The following PCSK6 variants were observed in gnomAD, a reference collection of about 807,000 sequenced individuals.
PCSK6 encodes proprotein convertase subtilisin/kexin type 6.
A neutral mutation model predicts 123.3 loss-of-function variants in PCSK6; 85 were observed. That is an observed-to-expected ratio of 0.69 (90% CI 0.58 to 0.83). The LOEUF is 0.83. PCSK6 is among the 40% of genes least tolerant of loss of function. The pLI, the probability that PCSK6 is intolerant of heterozygous loss-of-function variation, is 0.00. For synonymous variants in PCSK6, 508 were observed against 516.0 expected, an observed-to-expected ratio of 0.98 and a Z score of 0.21; for missense variants, 1,191 against 1,282.3, an observed-to-expected ratio of 0.93 and a Z score of 1.09.
intron 19 of PCSK6, among the ~76,000 whole-genome samples, chr15:101,315,719 G>C (rs941923340): frequency 6.6e-6 from 1 of 152,244 alleles, no homozygotes; most frequent in African/African-American, 2.4e-5. Context: ...GCACTGCCCC[G>C]CAACTTGGTA....
chr15:101,431,864 C>T (rs1200978576), intron 3 of PCSK6, 126 bp downstream of exon 3: 5 of 751,674 alleles, frequency 6.7e-6, no homozygotes, highest in Non-Finnish European at 1.2e-5. Context: ...GGTTTTACAC[C>T]CTCAAGGTGA....
intron 15 of PCSK6, 51 bp downstream of exon 15, chr15:101,331,600 T>A (rs2040371778): frequency 6.4e-7 from 1 of 1,567,464 alleles, no homozygotes. Context: ...TAGACCCTGC[T>A]CTCCCAGCTG....
At chr15:101,481,135 G>A (rs2412007) in intron 1 of PCSK6, among the ~76,000 whole-genome samples, 27,044 of 152,184 alleles carry the variant, frequency 0.18, 2,890 homozygotes, top group South Asian at 0.28. Flanking sequence ...GCCTAACTTT[G>A]GGCTGACTCA....
At chr15:101,314,749 T>C (rs7178939) in intron 19 of PCSK6, among the ~76,000 whole-genome samples, 1,553 of 152,274 alleles carry the variant, frequency 0.01, 28 homozygotes, top group African/African-American at 0.036. Flanking sequence ...AGGAGGCAGA[T>C]GTAGGGACCT....
chr15:101,392,535 A>G (rs1380284002), intron 8 of PCSK6, among the ~76,000 whole-genome samples: 2 of 150,530 alleles, frequency 1.3e-5, no homozygotes, highest in East Asian at 3.9e-4. Flanking sequence ...CTACAAGTCA[A>G]CGTAATGACT....
intron 1 of PCSK6, among the ~76,000 whole-genome samples, chr15:101,475,262 G>A (rs545816205): frequency 6.6e-6 from 1 of 152,232 alleles, no homozygotes; most frequent in South Asian, 2.1e-4. Flanking sequence ...GCAAACAAAT[G>A]GTGCTGCAGA....
intron 1 of PCSK6, among the ~76,000 whole-genome samples, chr15:101,471,838 C>T (rs1236713638): frequency 6.6e-6 from 1 of 152,160 alleles, no homozygotes; most frequent in Non-Finnish European, 1.5e-5. Flanking sequence ...GTTCTAGAAC[C>T]TCCTCTGAAT....
rs371455660 is a variant in PCSK6, at chr15:101,307,272, C to G, written c.2753G>C (p.Cys918Ser). The G allele has an allele frequency of 1.4e-5, 23 of 1,613,858 alleles. No individual in the cohort carries two copies. The South Asian group carries it at 2.4e-4, about 17-fold the overall frequency. Residue 918 changes from cysteine to serine, a missense_variant, in exon 21 of 22, where the codon TGT becomes TCT. By Grantham distance (112) the Cys-to-Ser change is moderately radical. Around this residue, in one of 3 missense-constraint regions of PCSK6, gnomAD observed 630 missense variants for 631.4 expected, o/e 1.00. Coordinates refer to ENST00000611716, the MANE Select transcript of PCSK6 (RefSeq NM_002570.5). ...CCCCAGCTGTGTGAAGCCCGTCTTA[C>G]ACCTGCTACAGTTCCTGCTGGAGCC... ...CAGSSRNCSR[C>S]KTGFTQLGTS... is the part of the protein sequence containing the mutation.
intron 10 of PCSK6, among the ~76,000 whole-genome samples, chr15:101,383,797 C>T (rs1431227530): frequency 1.3e-5 from 2 of 151,990 alleles, no homozygotes; most frequent in East Asian, 1.9e-4. Flanking sequence ...TTTTAATGCA[C>T]ATTAGAAAAA....
At chr15:101,477,847 G>A (rs11247297) in intron 1 of PCSK6, among the ~76,000 whole-genome samples, 4 of 152,144 alleles carry the variant, frequency 2.6e-5, no homozygotes, top group East Asian at 1.9e-4. Context: ...TCCAAGAAAG[G>A]TTCCCTGACC....
intron 9 of PCSK6, among the ~76,000 whole-genome samples, chr15:101,389,167 G>A (rs2042154133): frequency 6.6e-6 from 1 of 152,170 alleles, no homozygotes; most frequent in Non-Finnish European, 1.5e-5. Flanking sequence ...GGAATTCCAG[G>A]CTCCAGAACT....
intron 1 of PCSK6, among the ~76,000 whole-genome samples, chr15:101,452,756 C>T (rs1049536671): frequency 6.6e-6 from 1 of 152,148 alleles, no homozygotes; most frequent in Non-Finnish European, 1.5e-5. Context: ...TGGTTACCCA[C>T]AGAGCACAGA....
intron 12 of PCSK6, among the ~76,000 whole-genome samples, chr15:101,367,756 T>C (rs1010184991): frequency 1.3e-5 from 2 of 152,358 alleles, no homozygotes; most frequent in African/African-American, 4.8e-5. Flanking sequence ...TCACAAAATC[T>C]GCCTTGGAAA....
chr15:101,433,002 C>T (rs2056494788), intron 2 of PCSK6, among the ~76,000 whole-genome samples: 1 of 152,210 alleles, frequency 6.6e-6, no homozygotes, highest in Admixed American at 6.5e-5. Flanking sequence ...TTTACAATTA[C>T]TTTCAGGATG....
rs963196886 is a variant in PCSK6, at chr15:101,345,536, GA to G, written c.1859-13506del. On this transcript the variant is annotated intron_variant, in intron 13 of 21. Transcript: ENST00000611716. Reference sequence around the variant, plus strand: ...AAGTCAAAAGTGAAACAGCAGGCCAGAAAAAAAATTTATATGAATTACGACA... The same window carrying G: ...AAGTCAAAAGTGAAACAGCAGGCCAGAAAAAAATTTATATGAATTACGACA... Among the ~76,000 whole-genome samples, 20 of 152,084 alleles carry G rather than the reference GA, an allele frequency of 1.3e-4. 1 individual carries two copies. In the East Asian group the frequency reaches 1.5e-3, roughly 12 times the overall value.
At position 101,322,619 on chromosome 15, in the gene PCSK6, T is replaced by C. The variant is rs149277542; in HGVS notation, c.2378-12A>G. The C allele has an allele frequency of 5.2e-5, 81 of 1,559,308 alleles. No individual in the cohort carries two copies. Among genetic ancestry groups the C allele is most frequent in the African/African-American group, 4.9e-4 (36 of 73,796 alleles). ...GCAATTTTTCTGACCTGGAGAAAAA[T>C]AGCGAGATAAGAAAAGAGAAGGGAC... is the stretch of plus-strand genomic sequence containing the variant. On this transcript the variant is annotated splice_polypyrimidine_tract_variant and intron_variant, in intron 17 of 21. Coordinates refer to ENST00000611716, the MANE Select transcript of PCSK6 (RefSeq NM_002570.5).
intron 10 of PCSK6, among the ~76,000 whole-genome samples, chr15:101,383,735 G>A (rs890614104): frequency 2.0e-5 from 3 of 152,198 alleles, no homozygotes; most frequent in Non-Finnish European, 4.4e-5. Context: ...AAGGATGCAA[G>A]CTGCCCTCAG....
intron 13 of PCSK6, among the ~76,000 whole-genome samples, chr15:101,352,335 G>A (rs866844430): frequency 2.0e-5 from 3 of 151,858 alleles, no homozygotes; most frequent in Non-Finnish European, 2.9e-5. Context: ...TTTTAGTAGA[G>A]ACGGGGTTTC....
At chr15:101,407,514 G>C (rs972645111) in intron 6 of PCSK6, among the ~76,000 whole-genome samples, 1 of 152,174 alleles carries the variant, frequency 6.6e-6, no homozygotes, top group African/African-American at 2.4e-5. Context: ...CTACACCCCA[G>C]CCACCTCCAT....
Sources: gnomAD v4.1 joint callset for allele counts (sites outside exome capture counted in the v4.1 genomes callset) on GRCh38, gnomAD v4.1.1 for gene constraint, gnomAD v4.1.1 regional missense constraint, MANE v1.5 for transcripts, NCBI Gene and HGNC (gene_info 2026-07-23, HGNC 2026-07-21) for gene names.